The following SERPINA11 variants were observed in gnomAD, a reference collection of about 807,000 sequenced individuals.
SERPINA11 encodes serpin family A member 11.
In SERPINA11, 28 loss-of-function variants were observed where a neutral mutation model predicts 29.4. That is an observed-to-expected ratio of 0.95 (90% CI 0.70 to 1.30). SERPINA11 has a LOEUF of 1.30. Among genes scored for constraint, SERPINA11 ranks in the 50% most tolerant of loss-of-function variants. The pLI, the probability that SERPINA11 is intolerant of heterozygous loss-of-function variation, is 0.00. For missense variants in SERPINA11, 530 were observed against 507.3 expected (o/e 1.04, Z -0.43); for synonymous variants, 253 against 206.6 (o/e 1.22, Z -1.92).
At chr14:94,447,980 C>T (rs1898477453) in intron 2 of SERPINA11, 152 bp downstream of exon 2, 2 of 754,200 alleles carry the variant, frequency 2.7e-6, no homozygotes, top group Admixed American at 5.0e-5. Flanking sequence ...ATTTCCAACC[C>T]ACATGGACTG....
chr14:94,445,664 G>A (rs1265653893), intron 3 of SERPINA11, among the ~76,000 whole-genome samples: 1 of 152,132 alleles, frequency 6.6e-6, no homozygotes, highest in Non-Finnish European at 1.5e-5. Flanking sequence ...AAATTCCTGG[G>A]CTCAGGTGAT....
Position 94,442,587 on chromosome 14 carries a change from T to C in SERPINA11, c.*19A>G, listed in dbSNP as rs1347305461. On this transcript the variant is annotated 3_prime_UTR_variant, in exon 5 of 5. Transcript: ENST00000334708. ...TTGGTCCAGGATGAGATAAGATAAC[T>C]CCTGGCCTCCCACCATGGTTACCCT... 9 of 1,580,542 alleles carry C rather than the reference T, an allele frequency of 5.7e-6. No homozygotes were observed. The highest frequency in any genetic ancestry group is 7.8e-6 in the Non-Finnish European group (9 of 1,158,608).
chr14:94,448,746 C>T lies in SERPINA11; in HGVS notation c.29G>A (p.Gly10Glu). Residue 10 changes from glycine (G) to glutamate (E), a missense_variant, in exon 2 of 5, where the codon GGA becomes GAA. Coordinates refer to ENST00000334708, the MANE Select transcript of SERPINA11 (RefSeq NM_001080451.2). MGPAWLWLL[G>E]TGILASVHCQ... is the part of the protein sequence containing the mutation. ...GTGGACAGAGGCCAGGATCCCTGTTCCCAGTAGCCAAAGCCAAGCTGGACC... is the reference window on the plus strand; with the variant it reads ...GTGGACAGAGGCCAGGATCCCTGTTTCCAGTAGCCAAAGCCAAGCTGGACC... 4 of 1,513,438 alleles carry T rather than the reference C, an allele frequency of 2.6e-6. No individual in the cohort carries two copies. The highest frequency in any genetic ancestry group is 3.5e-6 in the Non-Finnish European group (4 of 1,132,262). The allele number at this position is 1,513,438 out of a possible 1,614,324, so 93.8% of individuals were successfully genotyped here.
At chr14:94,452,373 CT>C (rs1205062709) in intron 1 of SERPINA11, among the ~76,000 whole-genome samples, 1 of 152,102 alleles carries the variant, frequency 6.6e-6, no homozygotes. Context: ...AGGACAGCTT[CT>C]AGTAAATTTG....
Position 94,442,569 on chromosome 14 carries a change from A to G in SERPINA11, c.*37T>C. On this transcript the variant is annotated 3_prime_UTR_variant, in exon 5 of 5. Transcript: ENST00000334708. ...TGGTTCTGGCCTATCTGTTTGGTCC[A>G]GGATGAGATAAGATAACTCCTGGCC... 2 of 1,506,914 alleles carry G rather than the reference A, an allele frequency of 1.3e-6. No individual in the cohort carries two copies. Among genetic ancestry groups the G allele is most frequent in the Non-Finnish European group, 1.8e-6 (2 of 1,100,756 alleles). 93.3% of individuals were successfully genotyped at this position (1,506,914 alleles called of 1,614,324 possible). A position where few individuals can be genotyped will look rare whatever the true frequency, so the allele number is the denominator to read the frequency against.
chr14:94,444,897 C>T (rs1287706899), intron 3 of SERPINA11, among the ~76,000 whole-genome samples: 1 of 152,194 alleles, frequency 6.6e-6, no homozygotes, highest in African/African-American at 2.4e-5. Context: ...CTCCAACCAC[C>T]CATTGGCTCT....
Position 94,442,693 on chromosome 14 carries a change from G to T in SERPINA11, c.1182C>A (p.Phe394Leu). 1 of 1,613,612 alleles carries T rather than the reference G, an allele frequency of 6.2e-7. No homozygotes were observed. The highest frequency in any genetic ancestry group is 2.2e-5 in the East Asian group (1 of 44,856). The stretch of plus-strand genomic sequence containing the variant: ...AAAGGAGCAAGAGGAAAGGCCTGTT[G>T]AAGTGGGCATGTGGGTCTGACATGG... Reference protein sequence around the residue: ...LNTMSDPHAHFNRPFLLLLWE... With the variant: ...LNTMSDPHAHLNRPFLLLLWE... The change falls in exon 5 of 5, where the codon TTC becomes TTA. Residue 394 changes from phenylalanine to leucine, a missense_variant. Transcript: ENST00000334708.
chr14:94,448,071 C>T, intron 2 of SERPINA11, 61 bp downstream of exon 2: 1 of 1,508,360 alleles, frequency 6.6e-7, no homozygotes, highest in East Asian at 2.3e-5. Flanking sequence ...AGCTGGCTCT[C>T]TGCTGTAAGA....
In SERPINA11 at chr14:94,448,594, A is replaced by G; in HGVS notation, c.181T>C (p.Leu61=). The change falls in exon 2 of 5, where the codon TTG becomes CTG. Residue 61 remains leucine, a synonymous_variant. Transcript: ENST00000334708. ...TPTITNFALR[L]YKELAADAPG... ...GCGTCTGCTGCCAGCTCTTTATACA[A>G]ACGCAAAGCAAAATTGGTAATGGTG... 1 of 1,613,728 alleles carries G rather than the reference A, an allele frequency of 6.2e-7. No individual in the cohort carries two copies. Among genetic ancestry groups the G allele is most frequent in the Non-Finnish European group, 8.5e-7 (1 of 1,179,740 alleles).
At chr14:94,448,029 G>T in intron 2 of SERPINA11, 103 bp downstream of exon 2, 1 of 1,142,146 alleles carries the variant, frequency 8.8e-7, no homozygotes, top group Non-Finnish European at 1.3e-6. Flanking sequence ...CTTATTCATA[G>T]ATTTCCCCAA....
At chr14:94,444,941 G>A (rs1451044133) in intron 3 of SERPINA11, among the ~76,000 whole-genome samples, 1 of 152,208 alleles carries the variant, frequency 6.6e-6, no homozygotes, top group Non-Finnish European at 1.5e-5. Context: ...GTGCCACTGT[G>A]CTGATTTCCG....
intron 3 of SERPINA11, 105 bp from the exon 4 acceptor site, chr14:94,443,330 G>T (rs1039299084): frequency 2.7e-6 from 3 of 1,109,942 alleles, no homozygotes; most frequent in Non-Finnish European, 2.6e-6. Context: ...ATTTCCCAGC[G>T]TGAGAAGCAA....
intron 2 of SERPINA11, among the ~76,000 whole-genome samples, chr14:94,447,127 T>C (rs10138769): frequency 0.83 from 125,550 of 152,174 alleles, 51,919 homozygotes; most frequent in South Asian, 0.85. Context: ...ACTCACCCAC[T>C]CCAACTCCCT....
chr14:94,448,445 G>A lies in SERPINA11; in HGVS notation c.330C>T (p.Thr110=). 6.2e-7 allele frequency: 1 copy of A among 1,614,190 alleles called. No homozygotes were observed. Among genetic ancestry groups the A allele is most frequent in the African/African-American group, 1.3e-5 (1 of 75,054 alleles). ...AGCCCTGGTGGATGTCGGCTTCAGG[G>A]GTTTCTGTGAGGTTGAATCCCAGGC... ...LEGLGFNLTE[T]PEADIHQGFR... is the part of the protein sequence containing the mutation. Residue 110 remains threonine, a synonymous_variant, in exon 2 of 5, where the codon ACC becomes ACT. Coordinates refer to ENST00000334708, the MANE Select transcript of SERPINA11 (RefSeq NM_001080451.2).
In SERPINA11 at chr14:94,448,637, G is replaced by A; in HGVS notation, c.138C>T (p.Ala46=). The A allele has an allele frequency of 6.2e-7, 1 of 1,604,004 alleles. No homozygotes were observed. Among genetic ancestry groups the A allele is most frequent in the South Asian group, 1.1e-5 (1 of 89,772 alleles). ...TAATGGTGGGTGTGATTCTGTGGTA[G>A]GCGGGGGCTGGCTCTGAGAGCTGAT... ...PRHQLSEPAP[A]YHRITPTITN... The change falls in exon 2 of 5, where the codon GCC becomes GCT. Residue 46 remains alanine (A), a synonymous_variant. Transcript: ENST00000334708.
Position 94,449,401 on chromosome 14 carries a change from TTTCTATTC to T in SERPINA11, c.-3-632_-3-625del, listed in dbSNP as rs1480813267. Among the ~76,000 whole-genome samples, 106 of 41,482 alleles carry T rather than the reference TTTCTATTC, an allele frequency of 2.6e-3. 11 individuals carry two copies. The highest frequency in any genetic ancestry group is 9.1e-3 in the African/African-American group (105 of 11,526). 27.2% of individuals were successfully genotyped at this position (41,482 alleles called of 152,430 possible). On this transcript the variant is annotated intron_variant, in intron 1 of 4. Coordinates refer to ENST00000334708, the MANE Select transcript of SERPINA11 (RefSeq NM_001080451.2). ...TCTAGCCTCCCTCCCTCTTTCTTTC[TTTCTATTC>T]TTTCTTTCTTTCTTTCTTTCTTTCT...
rs111352902 is a variant in SERPINA11 at position 94,449,396 on chromosome 14, C to T, written c.-3-619G>A. Among the ~76,000 whole-genome samples the T allele has an allele frequency of 3.3e-4, 4 of 12,164 alleles. 1 individual carries two copies. The highest frequency in any genetic ancestry group is 5.0e-4 in the African/African-American group (2 of 4,006). 8.0% of individuals were successfully genotyped at this position (12,164 alleles called of 152,430 possible). A position where few individuals can be genotyped will look rare whatever the true frequency, so the allele number is the denominator to read the frequency against. Reference sequence around the variant, plus strand: ...CATAGTCTAGCCTCCCTCCCTCTTTCTTTCTTTCTATTCTTTCTTTCTTTC... The same window carrying T: ...CATAGTCTAGCCTCCCTCCCTCTTTTTTTCTTTCTATTCTTTCTTTCTTTC... On this transcript the variant is annotated intron_variant, in intron 1 of 4. Transcript: ENST00000334708.
In SERPINA11 at chr14:94,442,757, GC is replaced by G; in HGVS notation, c.1117del (p.Ala373LeufsTer12). 2 of 1,613,392 alleles carry G rather than the reference GC, an allele frequency of 1.2e-6. No individual in the cohort carries two copies. The highest frequency in any genetic ancestry group is 1.7e-6 in the Non-Finnish European group (2 of 1,179,822). ...GGGCTGGGAGAGGAGGCCTGAAGCAGCCCCGGCCTCGGTCCCCTTCTCACTC... is the reference window on the plus strand; with the variant it reads ...GGGCTGGGAGAGGAGGCCTGAAGCAGCCCGGCCTCGGTCCCCTTCTCACTC... ...DMSEKGTEAG[A>X]ASGLLSQPPS... On this transcript the variant is annotated frameshift_variant, in exon 5 of 5. Transcript: ENST00000334708. LOFTEE classifies it low-confidence loss of function (END_TRUNC).
chr14:94,448,878 G>T, intron 1 of SERPINA11, 101 bp from the exon 2 acceptor site: 1 of 1,161,820 alleles, frequency 8.6e-7, no homozygotes, highest in South Asian at 2.1e-5. Context: ...TGCCCCACAG[G>T]GCTGCCATGA....
Sources: allele counts gnomAD v4.1 joint callset (sites outside exome capture counted in the v4.1 genomes callset), GRCh38; gene constraint gnomAD v4.1.1; transcripts MANE v1.5; gene names NCBI Gene and HGNC (gene_info 2026-07-23, HGNC 2026-07-21).